RASSF1: variants seen among roughly 807,000 people sequenced by gnomAD.
The protein encoded by RASSF1 is Ras association domain family member 1, also known as ras association domain-containing protein 1.
In RASSF1, 33 loss-of-function variants were observed where a neutral mutation model predicts 34.3. The observed-to-expected ratio is 0.96, with a 90% CI of 0.73 to 1.29. The LOEUF is 1.29. RASSF1 is among the 50% of genes most tolerant of loss of function. The pLI is 0.00. For missense variants in RASSF1, 445 were observed against 471.8 expected, an observed-to-expected ratio of 0.94 and a Z score of 0.53; for synonymous variants, 191 against 195.0, an observed-to-expected ratio of 0.98 and a Z score of 0.17.
At chr3:50,335,086 T>C (rs1021071231) in intron 2 of RASSF1, among the ~76,000 whole-genome samples, 1 of 151,996 alleles carries the variant, frequency 6.6e-6, no homozygotes, top group South Asian at 2.1e-4. Context: ...GTAGCTGGGA[T>C]TACAGGTGCC....
intron 1 of RASSF1, 129 bp downstream of exon 1, chr3:50,340,427 C>T (rs992164274): frequency 1.6e-5 from 20 of 1,258,222 alleles, no homozygotes; most frequent in Admixed American, 4.0e-5. Flanking sequence ...AGCGATGGGG[C>T]GAAAGTAACG....
intron 2 of RASSF1, among the ~76,000 whole-genome samples, chr3:50,335,626 T>C (rs778416109): frequency 1.3e-5 from 2 of 151,818 alleles, no homozygotes; most frequent in African/African-American, 2.4e-5. Context: ...GCCTTCTTTC[T>C]TTTTTTTGAG....
Position 50,340,696 on chromosome 3 carries a change from C to T in RASSF1, c.110G>A (p.Gly37Asp). 1 of 1,531,236 alleles carries T rather than the reference C, an allele frequency of 6.5e-7. No individual in the cohort carries two copies. The highest frequency in any genetic ancestry group is 1.4e-5 in the African/African-American group (1 of 69,904). 94.9% of individuals were successfully genotyped at this position (1,531,236 alleles called of 1,614,324 possible). Reference protein sequence around the residue: ...ERANALRIARGTACNPTRQLV... With the variant: ...ERANALRIARDTACNPTRQLV... ...CTGCCGTGTGGGGTTGCACGCGGTG[C>T]CCCGCGCGATGCGCAGCGCGTTGGC... Residue 37 changes from glycine (G) to aspartate (D), a missense_variant, in exon 1 of 6, where the codon GGC becomes GAC. Physicochemically the swap from Gly to Asp is moderately conservative, Grantham distance 94. Coordinates refer to ENST00000359365, the MANE Select transcript of RASSF1 (RefSeq NM_007182.5).
rs1284476756 is a variant in RASSF1, at chr3:50,340,425, G to C, written c.250+131C>G. On this transcript the variant is annotated intron_variant, in intron 1 of 5. Coordinates refer to ENST00000359365, the MANE Select transcript of RASSF1 (RefSeq NM_007182.5). Reference sequence around the variant, plus strand: ...ATTTTCGCGCACTCTTCAGCGATGGGGCGAAAGTAACGGACCTAGTCCTCG... The same window carrying C: ...ATTTTCGCGCACTCTTCAGCGATGGCGCGAAAGTAACGGACCTAGTCCTCG... The C allele has an allele frequency of 3.2e-6, 4 of 1,246,910 alleles. No homozygotes were observed. The East Asian group carries it at 1.3e-4, about 39-fold the overall frequency. 77.2% of individuals were successfully genotyped at this position (1,246,910 alleles called of 1,614,324 possible). A position where few individuals can be genotyped will look rare whatever the true frequency, so the allele number is the denominator to read the frequency against.
rs1240510659 is a variant in RASSF1 at position 50,337,915 on chromosome 3, T to A, written c.347A>T (p.Asp116Val). ...CGGCCCCGCGCTCACCACGTTCGTG[T>A]CCCGCTCCACCGCGGGTTCCCAGCC... Reference protein sequence around the residue: ...DLGWEPAVERDTNVDEPVEWE... With the variant: ...DLGWEPAVERVTNVDEPVEWE... Residue 116 changes from aspartate (D) to valine (V), a missense_variant, in exon 2 of 6, where the codon GAC (aspartate) becomes GTC (valine). Physicochemically the swap from Asp to Val is radical, Grantham distance 152 (BLOSUM62 -3). Coordinates refer to ENST00000359365, the MANE Select transcript of RASSF1 (RefSeq NM_007182.5). The A allele has an allele frequency of 1.2e-6, 2 of 1,608,386 alleles. No individual in the cohort carries two copies. The highest frequency in any genetic ancestry group is 2.7e-5 in the African/African-American group (2 of 74,800).
At position 50,331,603 on chromosome 3, in the gene RASSF1, G is replaced by T; in HGVS notation, c.716C>A (p.Pro239His). Residue 239 changes from proline to histidine, a missense_variant, in exon 4 of 6, where the codon CCC (proline) becomes CAC (histidine). By Grantham distance (77) the Pro-to-His change is moderately conservative (BLOSUM62 -2). Transcript: ENST00000359365. The stretch of plus-strand genomic sequence containing the variant: ...GCGCTCAAAGAGTGCAAACTTGCGG[G>T]GGTCATCCACCACCAAGAACTTTCG... ...LLRKFLVVDD[P>H]RKFALFERAE... is the part of the protein sequence containing the mutation. 1 of 1,603,942 alleles carries T rather than the reference G, an allele frequency of 6.2e-7. No individual in the cohort carries two copies. The highest frequency in any genetic ancestry group is 8.5e-7 in the Non-Finnish European group (1 of 1,171,662).
At chr3:50,340,436 C>T (rs925478392) in intron 1 of RASSF1, 120 bp downstream of exon 1, 2 of 1,291,064 alleles carry the variant, frequency 1.5e-6, no homozygotes, top group Non-Finnish European at 2.0e-6. Flanking sequence ...GCGAAAGTAA[C>T]GGACCTAGTC....
In RASSF1 at chr3:50,340,751, C is replaced by A. The variant is rs764358414; in HGVS notation, c.55G>T (p.Ala19Ser). ...TCCAGCCGGGTGCGGCCCTTCCCAG[C>A]GCGCCCAGCGGGTGCCAGCTCCCGC... ...ELRELAPAGR[A>S]GKGRTRLERA... Residue 19 changes from alanine to serine, a missense_variant, in exon 1 of 6, where the codon GCT becomes TCT. Physicochemically the swap from Ala to Ser is moderately conservative, Grantham distance 99. Transcript: ENST00000359365. The A allele has an allele frequency of 2.0e-6, 3 of 1,512,086 alleles. No homozygotes were observed. Among genetic ancestry groups the A allele is most frequent in the Non-Finnish European group, 8.8e-7 (1 of 1,140,116 alleles). 93.7% of individuals were successfully genotyped at this position (1,512,086 alleles called of 1,614,324 possible).
chr3:50,331,060 C>T (rs1702918112), intron 5 of RASSF1, among the ~76,000 whole-genome samples: 1 of 152,184 alleles, frequency 6.6e-6, no homozygotes, highest in Non-Finnish European at 1.5e-5. Context: ...AGGGGGCCTC[C>T]TCATGTCATT....
chr3:50,337,887 C>T lies in RASSF1; in HGVS notation c.357+18G>A. On this transcript the variant is annotated intron_variant, in intron 2 of 5. Transcript: ENST00000359365. ...GCCCATCCTCGCCCTTCCCATACGC[C>T]CTCGGCCCCGCGCTCACCACGTTCG... 6.4e-7 allele frequency: 1 copy of T among 1,571,984 alleles called. No individual in the cohort carries two copies. Among genetic ancestry groups the T allele is most frequent in the African/African-American group, 1.4e-5 (1 of 74,032 alleles).
intron 2 of RASSF1, 33 bp downstream of exon 2, chr3:50,337,872 G>T (rs1703216919): frequency 2.0e-6 from 3 of 1,534,442 alleles, no homozygotes; most frequent in Admixed American, 1.7e-5. Flanking sequence ...GCCCATCCTC[G>T]CCCTTCCCAT....
chr3:50,337,549 C>T lies in RASSF1; in HGVS notation c.357+356G>A, dbSNP rs1453480182. Reference sequence around the variant, plus strand: ...GCCCCCAGGAATGACCTCATCGCTCCGGAGCTCCACTCACAGACCCCACCT... The same window carrying T: ...GCCCCCAGGAATGACCTCATCGCTCTGGAGCTCCACTCACAGACCCCACCT... On this transcript the variant is annotated intron_variant, in intron 2 of 5. Coordinates refer to ENST00000359365, the MANE Select transcript of RASSF1 (RefSeq NM_007182.5). 5 of 1,477,820 alleles carry T rather than the reference C, an allele frequency of 3.4e-6. No homozygotes were observed. The South Asian group carries it at 4.9e-5, about 15-fold the overall frequency. 91.5% of individuals were successfully genotyped at this position (1,477,820 alleles called of 1,614,324 possible). A position where few individuals can be genotyped will look rare whatever the true frequency, so the allele number is the denominator to read the frequency against.
chr3:50,340,699 C>CGCGCGATGCGCA lies in RASSF1; in HGVS notation c.95_106dup (p.Leu32_Ala35dup), dbSNP rs775390590. 2.0e-6 allele frequency: 3 copies of CGCGCGATGCGCA among 1,530,026 alleles called. No homozygotes were observed. The highest frequency in any genetic ancestry group is 2.6e-6 in the Non-Finnish European group (3 of 1,148,890). The allele number at this position is 1,530,026 out of a possible 1,614,324, so 94.8% of individuals were successfully genotyped here. A position where few individuals can be genotyped will look rare whatever the true frequency, so the allele number is the denominator to read the frequency against. On this transcript the variant is annotated inframe_insertion, in exon 1 of 6. Coordinates refer to ENST00000359365, the MANE Select transcript of RASSF1 (RefSeq NM_007182.5). ...CCGTGTGGGGTTGCACGCGGTGCCCCGCGCGATGCGCAGCGCGTTGGCACG... is the reference window on the plus strand; with the variant it reads ...CCGTGTGGGGTTGCACGCGGTGCCCCGCGCGATGCGCAGCGCGATGCGCAGCGCGTTGGCACG...
intron 1 of RASSF1, among the ~76,000 whole-genome samples, chr3:50,338,772 C>T (rs1703258496): frequency 3.9e-5 from 6 of 152,192 alleles, no homozygotes; most frequent in Admixed American, 3.9e-4. Context: ...GCCTCTTCCT[C>T]CAGGAAACTG....
chr3:50,337,734 G>A lies in RASSF1; in HGVS notation c.357+171C>T, dbSNP rs1292610980. On this transcript the variant is annotated intron_variant, in intron 2 of 5. Transcript: ENST00000359365. ...CAGCGGGTGGAGTACTTGCGGAGCC[G>A]GCAATCCAGGCTCCCCTCCCAGCCC... 68 of 861,714 alleles carry A rather than the reference G, an allele frequency of 7.9e-5. No homozygotes were observed. In the South Asian group the frequency reaches 1.2e-3, roughly 15 times the overall value. 53.4% of individuals were successfully genotyped at this position (861,714 alleles called of 1,614,324 possible). A position where few individuals can be genotyped will look rare whatever the true frequency, so the allele number is the denominator to read the frequency against.
intron 5 of RASSF1, among the ~76,000 whole-genome samples, chr3:50,331,090 CAGA>C (rs776068978): frequency 6.6e-6 from 1 of 152,206 alleles, no homozygotes; most frequent in East Asian, 1.9e-4. Flanking sequence ...CCTGCATCTC[CAGA>C]AGATTTTCCA....
Position 50,330,462 on chromosome 3 carries a change from C to T in RASSF1, c.*119G>A. 7.1e-7 allele frequency: 1 copy of T among 1,400,934 alleles called. No homozygotes were observed. Among genetic ancestry groups the T allele is most frequent in the Non-Finnish European group, 9.8e-7 (1 of 1,021,556 alleles). 86.8% of individuals were successfully genotyped at this position (1,400,934 alleles called of 1,614,324 possible). A position where few individuals can be genotyped will look rare whatever the true frequency, so the allele number is the denominator to read the frequency against. On this transcript the variant is annotated 3_prime_UTR_variant, in exon 6 of 6. Transcript: ENST00000359365. This position sits in a 1 kb window ranked among gnomAD's most constrained non-coding sequence, Gnocchi z 4.5. ...CTTCGCTGTTCTCTGGGCTCATTCCCCCAGCACAGGAGGGCCTCCATGCAC... is the reference window on the plus strand; with the variant it reads ...CTTCGCTGTTCTCTGGGCTCATTCCTCCAGCACAGGAGGGCCTCCATGCAC...
chr3:50,330,792 C>T lies in RASSF1; in HGVS notation c.877-65G>A. The T allele has an allele frequency of 6.5e-7, 1 of 1,536,866 alleles. No individual in the cohort carries two copies. The highest frequency in any genetic ancestry group is 1.2e-5 in the South Asian group (1 of 86,582). ...GATGGCCAAGCCAGCAGACCCTCCCCAGAGAAGACTAGCACCTCATGTTCA... is the reference window on the plus strand; with the variant it reads ...GATGGCCAAGCCAGCAGACCCTCCCTAGAGAAGACTAGCACCTCATGTTCA... On this transcript the variant is annotated intron_variant, in intron 5 of 5. Coordinates refer to ENST00000359365, the MANE Select transcript of RASSF1 (RefSeq NM_007182.5). This position sits in a 1 kb window ranked among gnomAD's most constrained non-coding sequence, Gnocchi z 4.5.
Position 50,330,857 on chromosome 3 carries a change from C to T in RASSF1, c.877-130G>A. The T allele has an allele frequency of 9.3e-7, 1 of 1,076,002 alleles. No individual in the cohort carries two copies. The highest frequency in any genetic ancestry group is 1.3e-6 in the Non-Finnish European group (1 of 760,846). 66.7% of individuals were successfully genotyped at this position (1,076,002 alleles called of 1,614,324 possible). ...GGGCTTTCTGATGTCAGGCTCTTGGCTGAATGATCTCTGGTAGGATCCCTG... is the reference window on the plus strand; with the variant it reads ...GGGCTTTCTGATGTCAGGCTCTTGGTTGAATGATCTCTGGTAGGATCCCTG... On this transcript the variant is annotated intron_variant, in intron 5 of 5. Coordinates refer to ENST00000359365, the MANE Select transcript of RASSF1 (RefSeq NM_007182.5). This position sits in a 1 kb window ranked among gnomAD's most constrained non-coding sequence, Gnocchi z 4.5.
Sources: gnomAD v4.1 joint callset for allele counts (sites outside exome capture counted in the v4.1 genomes callset) on GRCh38, gnomAD v4.1.1 for gene constraint, Gnocchi (gnomAD v3.1) non-coding constraint, MANE v1.5 for transcripts, NCBI Gene and HGNC (gene_info 2026-07-23, HGNC 2026-07-21) for gene names.